The following ERICH3 variants were observed in gnomAD, a reference collection of about 807,000 sequenced individuals.
ERICH3 encodes glutamate rich 3.
A neutral mutation model predicts 131.1 loss-of-function variants in ERICH3; 126 were observed. The observed-to-expected ratio is 0.96, with a 90% confidence interval of 0.83 to 1.11. The LOEUF is 1.11. Ranked by LOEUF, ERICH3 falls within the 50% of genes most tolerant of loss-of-function variation. The pLI, the probability that ERICH3 is intolerant of heterozygous loss-of-function variation, is 0.00. For synonymous variants in ERICH3, 695 were observed against 644.6 expected, an observed-to-expected ratio of 1.08 and a Z score of -1.18; for missense variants, 2,050 against 1,810.7, an observed-to-expected ratio of 1.13 and a Z score of -2.40.
chr1:74,604,364 T>C (rs1648288210), intron 10 of ERICH3, among the ~76,000 whole-genome samples: 1 of 151,926 alleles, frequency 6.6e-6, no homozygotes, highest in African/African-American at 2.4e-5. Context: ...TCACCTTCTT[T>C]CAAACTCCTG....
At chr1:74,644,479 C>A (rs904235275) in intron 3 of ERICH3, among the ~76,000 whole-genome samples, 5 of 152,080 alleles carry the variant, frequency 3.3e-5, no homozygotes, top group African/African-American at 9.7e-5. Context: ...CTTCCAGCTT[C>A]CAGGACACCA....
At chr1:74,583,863 C>T (rs1251050998) in intron 12 of ERICH3, among the ~76,000 whole-genome samples, 1 of 152,114 alleles carries the variant, frequency 6.6e-6, no homozygotes, top group African/African-American at 2.4e-5. Context: ...TTCATTCTCT[C>T]TCCTATACTG....
chr1:74,640,582 T>A (rs912237164), intron 5 of ERICH3, among the ~76,000 whole-genome samples: 2 of 152,152 alleles, frequency 1.3e-5, no homozygotes, highest in African/African-American at 4.8e-5. Flanking sequence ...TATTTACAAC[T>A]TAAACCATCA....
chr1:74,673,012 T>C (rs552520666), intron 1 of ERICH3, among the ~76,000 whole-genome samples: 1 of 152,270 alleles, frequency 6.6e-6, no homozygotes, highest in African/African-American at 2.4e-5. Context: ...AAAAAATCCC[T>C]GAAATAATAC....
At chr1:74,652,190 T>C (rs1190547547) in intron 1 of ERICH3, among the ~76,000 whole-genome samples, 4 of 152,178 alleles carry the variant, frequency 2.6e-5, no homozygotes, top group African/African-American at 9.6e-5. Context: ...CATTACTAAA[T>C]TGTTTGATAT....
At chr1:74,631,492 GT>G (rs1646336013) in intron 7 of ERICH3, among the ~76,000 whole-genome samples, 1 of 151,976 alleles carries the variant, frequency 6.6e-6, no homozygotes, top group African/African-American at 2.4e-5. Context: ...CACAAGAATT[GT>G]TAAATCTTTT....
In ERICH3 at chr1:74,650,865, TG is replaced by T. The variant is rs1185306688; in HGVS notation, c.24-1551del. 4.0e-3 allele frequency among the ~76,000 whole-genome samples: 613 copies of T among 151,810 alleles called. 5 individuals are homozygous for T. In the Middle Eastern group the frequency reaches 0.054, roughly 13 times the overall value. ...GTGTGTGTGTGTGTGTGTGTGTGTG[TG>T]TGTATACTTATATACACATAGAAAG... On this transcript the variant is annotated intron_variant, in intron 1 of 14. Coordinates refer to ENST00000326665, the MANE Select transcript of ERICH3 (RefSeq NM_001002912.5).
chr1:74,612,692 C>T lies in ERICH3; in HGVS notation c.1118G>A (p.Gly373Asp). 1.2e-6 allele frequency: 2 copies of T among 1,602,964 alleles called. No homozygotes were observed. Among genetic ancestry groups the T allele is most frequent in the Non-Finnish European group, 1.7e-6 (2 of 1,171,594 alleles). The stretch of plus-strand genomic sequence containing the variant: ...GCCTCGTTTGCCTCCAAGCCTGGAA[C>T]CTTTCCGATGCTTGTATTCACAACA... ...SSCCEYKHRK[G>D]SRLGGKRGYF... Residue 373 changes from glycine to aspartate, a missense_variant, in exon 9 of 15, where the codon GGT (glycine) becomes GAT (aspartate). Physicochemically the swap from Gly to Asp is moderately conservative, Grantham distance 94. Transcript: ENST00000326665.
intron 12 of ERICH3, among the ~76,000 whole-genome samples, chr1:74,580,968 A>T (rs1005760761): frequency 6.6e-6 from 1 of 152,150 alleles, no homozygotes; most frequent in Non-Finnish European, 1.5e-5. Flanking sequence ...TGCCATCTTT[A>T]TGTCCATACA....
Position 74,657,634 on chromosome 1 carries a change from C to A in ERICH3, c.24-8319G>T, listed in dbSNP as rs150719467. Among the ~76,000 whole-genome samples the A allele has an allele frequency of 5.6e-3, 858 of 152,112 alleles. 11 individuals carry two copies. Among genetic ancestry groups the A allele is most frequent in the African/African-American group, 0.02 (829 of 41,478 alleles). ...ACCATAATATTATTTTATTTATAGC[C>A]TTAATATGATGGTTTGAAGTGACTA... On this transcript the variant is annotated intron_variant, in intron 1 of 14. Coordinates refer to ENST00000326665, the MANE Select transcript of ERICH3 (RefSeq NM_001002912.5).
chr1:74,636,878 C>A (rs1435246185), intron 5 of ERICH3, among the ~76,000 whole-genome samples: 1 of 152,168 alleles, frequency 6.6e-6, no homozygotes, highest in African/African-American at 2.4e-5. Context: ...TACTCTGAAT[C>A]TTTTAAGCCT....
intron 12 of ERICH3, among the ~76,000 whole-genome samples, chr1:74,583,337 C>T (rs115370719): frequency 9.3e-4 from 141 of 152,170 alleles, no homozygotes; most frequent in African/African-American, 3.1e-3. Flanking sequence ...TCTATATATA[C>T]TATGCTTTTT....
intron 3 of ERICH3, among the ~76,000 whole-genome samples, chr1:74,646,054 T>C (rs1646479781): frequency 1.3e-5 from 2 of 151,874 alleles, no homozygotes; most frequent in Non-Finnish European, 2.9e-5. Flanking sequence ...TTTATCAAAT[T>C]AGCTAGATAT....
chr1:74,667,670 C>T (rs2100660390), intron 1 of ERICH3, among the ~76,000 whole-genome samples: 1 of 152,200 alleles, frequency 6.6e-6, no homozygotes, highest in African/African-American at 2.4e-5. Context: ...CCCTAAAAAC[C>T]TAGCATGGAT....
chr1:74,589,564 G>T, intron 12 of ERICH3, 67 bp downstream of exon 12: 1 of 1,463,574 alleles, frequency 6.8e-7, no homozygotes, highest in Non-Finnish European at 9.4e-7. Flanking sequence ...CTTTGGCATA[G>T]TGCAATGACC....
chr1:74,614,549 C>A (rs567798403), intron 8 of ERICH3, among the ~76,000 whole-genome samples: 2,071 of 150,818 alleles, frequency 0.014, 68 homozygotes, highest in African/African-American at 0.049. Context: ...TGGTAGCGGG[C>A]ACCTGTATTC....
chr1:74,666,624 T>A (rs1483322784), intron 1 of ERICH3, among the ~76,000 whole-genome samples: 1 of 152,198 alleles, frequency 6.6e-6, no homozygotes, highest in African/African-American at 2.4e-5. Flanking sequence ...GTTTCTTTAC[T>A]GGGACTTGTG....
At chr1:74,623,568 A>T (rs1649307798) in intron 7 of ERICH3, 1 of 152,150 alleles carries the variant, frequency 6.6e-6, no homozygotes, top group Non-Finnish European at 1.5e-5. Context: ...GTTACTAAAA[A>T]TTAGGAAATG....
At chr1:74,673,313 A>G (rs1411100588) in intron 1 of ERICH3, among the ~76,000 whole-genome samples, 184 bp downstream of exon 1, 1 of 152,082 alleles carries the variant, frequency 6.6e-6, no homozygotes, top group Non-Finnish European at 1.5e-5. Flanking sequence ...GGGAGGGAGG[A>G]GACATGATGC....
Sources: allele counts gnomAD v4.1 joint callset (sites outside exome capture counted in the v4.1 genomes callset), GRCh38; gene constraint gnomAD v4.1.1; transcripts MANE v1.5; gene names NCBI Gene and HGNC (gene_info 2026-07-23, HGNC 2026-07-21).